Variants in BMPER observed in about 807,000 individuals in gnomAD.
BMPER encodes BMP-binding endothelial regulator protein.
Under a neutral mutation model 87.3 loss-of-function variants are expected in BMPER, and 45 were observed. That is an observed-to-expected ratio of 0.52 (90% CI 0.41 to 0.66). The LOEUF (loss-of-function observed/expected upper bound fraction) is 0.66. Among genes scored for constraint, BMPER ranks in the 30% least tolerant of loss-of-function variants. The pLI, the probability that BMPER is intolerant of heterozygous loss-of-function variation, is 0.00. For synonymous variants in BMPER, 326 were observed against 316.2 expected (o/e 1.03, Z -0.33); for missense variants, 784 against 867.5 (o/e 0.90, Z 1.21).
At chr7:34,141,035 G>A (rs958451450) in intron 13 of BMPER, among the ~76,000 whole-genome samples, 1 of 151,666 alleles carries the variant, frequency 6.6e-6, no homozygotes, top group African/African-American at 2.4e-5. Flanking sequence ...TTACAGGTTA[G>A]AACCTGGGGC....
chr7:34,076,601 T>C (rs758112652), intron 11 of BMPER, among the ~76,000 whole-genome samples: 17 of 152,188 alleles, frequency 1.1e-4, no homozygotes, highest in Non-Finnish European at 2.5e-4. Flanking sequence ...AGTGCTCAGC[T>C]GTTTGTTTAA....
intron 2 of BMPER, among the ~76,000 whole-genome samples, chr7:33,934,793 C>A (rs370435023): frequency 1.3e-5 from 2 of 152,214 alleles, no homozygotes; most frequent in African/African-American, 2.4e-5. Flanking sequence ...AGAGGAGATG[C>A]GCTTGGGAGT....
At chr7:34,145,476 C>T (rs955085429) in intron 14 of BMPER, among the ~76,000 whole-genome samples, 2 of 152,146 alleles carry the variant, frequency 1.3e-5, no homozygotes, top group Non-Finnish European at 2.9e-5. Flanking sequence ...GTGGCTGAGG[C>T]TGCTAAAAGG....
At chr7:34,057,307 T>C (rs1788311803) in intron 9 of BMPER, among the ~76,000 whole-genome samples, 1 of 152,186 alleles carries the variant, frequency 6.6e-6, no homozygotes, top group Non-Finnish European at 1.5e-5. Flanking sequence ...TACAAGGGCT[T>C]TTTGTGGTAT....
chr7:34,076,850 C>G (rs1299091775), intron 11 of BMPER, among the ~76,000 whole-genome samples: 1 of 152,112 alleles, frequency 6.6e-6, no homozygotes, highest in Non-Finnish European at 1.5e-5. Flanking sequence ...AGGACTTCCT[C>G]AGGAGTATAA....
chr7:33,965,001 G>A (rs1470800806), intron 3 of BMPER, among the ~76,000 whole-genome samples: 3 of 152,134 alleles, frequency 2.0e-5, no homozygotes, highest in African/African-American at 4.8e-5. Flanking sequence ...CACATGGCAC[G>A]TCTCTTGTAA....
intron 3 of BMPER, among the ~76,000 whole-genome samples, chr7:33,943,450 T>C (rs550891279): frequency 8.3e-4 from 126 of 152,310 alleles, no homozygotes; most frequent in Non-Finnish European, 1.4e-3. Context: ...GTAATTCATT[T>C]AACACCTCCC....
Position 33,981,787 on chromosome 7 carries a change from G to T in BMPER, c.576+7003G>T, listed in dbSNP as rs143513198. 1.6e-4 allele frequency among the ~76,000 whole-genome samples: 25 copies of T among 152,304 alleles called. No homozygotes were observed. In the East Asian group the frequency reaches 4.6e-3, roughly 28 times the overall value. ...GAGAGATGCACGTCATTGTGGATGAGCTCAGAAAGAAAAAGAGATTCATTT... is the reference window on the plus strand; with the variant it reads ...GAGAGATGCACGTCATTGTGGATGATCTCAGAAAGAAAAAGAGATTCATTT... On this transcript the variant is annotated intron_variant, in intron 6 of 14. Transcript: ENST00000649409.
intron 3 of BMPER, among the ~76,000 whole-genome samples, chr7:33,946,955 C>G (rs1784907252): frequency 6.6e-6 from 1 of 152,138 alleles, no homozygotes; most frequent in South Asian, 2.1e-4. Flanking sequence ...CCAAATTGTC[C>G]TTAGCTTTTA....
intron 13 of BMPER, among the ~76,000 whole-genome samples, chr7:34,135,295 G>A (rs1790693083): frequency 2.0e-5 from 3 of 152,116 alleles, no homozygotes. Context: ...GACAGGGAGG[G>A]AGGAACACAG....
At chr7:34,090,505 A>G (rs1789350986) in intron 13 of BMPER, among the ~76,000 whole-genome samples, 2 of 152,172 alleles carry the variant, frequency 1.3e-5, no homozygotes, top group South Asian at 4.1e-4. Flanking sequence ...AGCAGCCAGT[A>G]TCAAACCTAC....
chr7:33,966,862 G>A (rs761986611), intron 4 of BMPER, among the ~76,000 whole-genome samples: 1 of 152,190 alleles, frequency 6.6e-6, no homozygotes, highest in Non-Finnish European at 1.5e-5. Flanking sequence ...ATGTCTTCCT[G>A]TGAAGTCATC....
At chr7:33,994,601 G>A (rs924810509) in intron 6 of BMPER, among the ~76,000 whole-genome samples, 2 of 152,218 alleles carry the variant, frequency 1.3e-5, no homozygotes, top group East Asian at 1.9e-4. Context: ...CACGCTGGGA[G>A]CTGTAGACCG....
At chr7:33,953,429 C>A (rs537285731) in intron 3 of BMPER, among the ~76,000 whole-genome samples, 1 of 152,310 alleles carries the variant, frequency 6.6e-6, no homozygotes, top group South Asian at 2.1e-4. Flanking sequence ...AGTTACTTGA[C>A]CTTGGCCGAG....
intron 3 of BMPER, among the ~76,000 whole-genome samples, chr7:33,963,163 A>G (rs1785313713): frequency 6.6e-6 from 1 of 152,200 alleles, no homozygotes; most frequent in Non-Finnish European, 1.5e-5. Flanking sequence ...GGAGATAACT[A>G]TAATATCTGT....
chr7:34,066,722 A>G (rs933300798), intron 11 of BMPER, among the ~76,000 whole-genome samples: 1 of 152,194 alleles, frequency 6.6e-6, no homozygotes, highest in African/African-American at 2.4e-5. Flanking sequence ...AATCAGATAA[A>G]TTCTTTGCTG....
intron 6 of BMPER, among the ~76,000 whole-genome samples, chr7:33,987,790 G>T (rs979668534): frequency 6.6e-6 from 1 of 152,064 alleles, no homozygotes; most frequent in Non-Finnish European, 1.5e-5. Flanking sequence ...ACTATGTGAG[G>T]ACTTCTTAAA....
intron 6 of BMPER, among the ~76,000 whole-genome samples, chr7:33,984,874 T>G (rs1785959976): frequency 6.6e-6 from 1 of 152,202 alleles, no homozygotes; most frequent in Non-Finnish European, 1.5e-5. Flanking sequence ...CTAAAAATCC[T>G]AGAACAGATA....
At position 33,906,968 on chromosome 7, in the gene BMPER, G is replaced by T. The variant is rs182129567; in HGVS notation, c.219+65G>T. The T allele has an allele frequency of 9.0e-4, 1,257 of 1,389,212 alleles. 2 individuals carry two copies. The highest frequency in any genetic ancestry group is 1.7e-3 in the Admixed American group (103 of 59,542). 86.1% of individuals were successfully genotyped at this position (1,389,212 alleles called of 1,614,324 possible). A position where few individuals can be genotyped will look rare whatever the true frequency, so the allele number is the denominator to read the frequency against. ...CTCTGATAAGGTGAATCCATTAAAT[G>T]TGATAATATAACCAGATCTTACAAA... On this transcript the variant is annotated intron_variant, in intron 2 of 14. Transcript: ENST00000649409.
Sources: allele counts gnomAD v4.1 joint callset (sites outside exome capture counted in the v4.1 genomes callset), GRCh38; gene constraint gnomAD v4.1.1; transcripts MANE v1.5; gene names NCBI Gene and HGNC (gene_info 2026-07-23, HGNC 2026-07-21).